GNL1: variants seen among roughly 807,000 people sequenced by gnomAD.
GNL1 encodes G protein nucleolar 1.
A neutral mutation model predicts 75.2 loss-of-function variants in GNL1; 21 were observed. That is an observed-to-expected ratio of 0.28 (90% CI 0.20 to 0.40). GNL1 has a LOEUF of 0.40. GNL1 is among the 10% of genes least tolerant of loss of function. The pLI is 1.00. For synonymous variants in GNL1, 287 were observed against 303.4 expected (o/e 0.95, Z 0.56); for missense variants, 579 against 775.0 (o/e 0.75, Z 3.00).
chr6:30,546,006 G>A lies in GNL1; in HGVS notation c.*66C>T, dbSNP rs1562699129. 1 of 1,127,278 alleles carries A rather than the reference G, an allele frequency of 8.9e-7. No homozygotes were observed. Among genetic ancestry groups the A allele is most frequent in the South Asian group, 1.4e-5 (1 of 73,282 alleles). The allele number at this position is 1,127,278 out of a possible 1,614,324, so 69.8% of individuals were successfully genotyped here. On this transcript the variant is annotated 3_prime_UTR_variant, in exon 12 of 12. Transcript: ENST00000376621. The surrounding 1 kb of genome is among the most constrained non-coding windows in gnomAD (Gnocchi z 5.1). Reference sequence around the variant, plus strand: ...TTATTCACAATTGGGGTGGCAGAGGGGAGATACCCCCAGGTCAGTCCAAAA... The same window carrying A: ...TTATTCACAATTGGGGTGGCAGAGGAGAGATACCCCCAGGTCAGTCCAAAA...
chr6:30,545,805 A>G lies in GNL1; in HGVS notation c.*267T>C, dbSNP rs1799411617. On this transcript the variant is annotated 3_prime_UTR_variant, in exon 12 of 12. Coordinates refer to ENST00000376621, the MANE Select transcript of GNL1 (RefSeq NM_005275.5). ...AGGTGCAGAGTGGGAGAATGGGTAG[A>G]GGAAGCAGGTTTCAGAGACTGAGAA... 2.1e-6 allele frequency: 1 copy of G among 484,460 alleles called. No homozygotes were observed. Among genetic ancestry groups the G allele is most frequent in the South Asian group, 2.8e-5 (1 of 36,022 alleles). The allele number at this position is 484,460 out of a possible 1,614,324, so 30.0% of individuals were successfully genotyped here. A position where few individuals can be genotyped will look rare whatever the true frequency, so the allele number is the denominator to read the frequency against.
intron 5 of GNL1, among the ~76,000 whole-genome samples, chr6:30,554,345 T>C (rs578052734): frequency 6.6e-6 from 1 of 152,218 alleles, no homozygotes; most frequent in Admixed American, 6.5e-5. Flanking sequence ...TGTGATGAGC[T>C]AAAGGACAGG....
At chr6:30,553,637 G>A (rs1582511931) in intron 5 of GNL1, 80 bp from the exon 6 acceptor site, 1 of 950,186 alleles carries the variant, frequency 1.1e-6, no homozygotes, top group African/African-American at 1.6e-5. Flanking sequence ...CTCAGCAGGT[G>A]TAGCTCAGAG....
At chr6:30,549,696 G>A (rs1440889679) in intron 8 of GNL1, among the ~76,000 whole-genome samples, 1 of 151,968 alleles carries the variant, frequency 6.6e-6, no homozygotes, top group Non-Finnish European at 1.5e-5. Flanking sequence ...CTTCTGGGAC[G>A]CTCCCTTGGT....
chr6:30,552,504 C>T lies in GNL1; in HGVS notation c.1062G>A (p.Glu354=). 6.2e-7 allele frequency: 1 copy of T among 1,614,122 alleles called. No individual in the cohort carries two copies. The highest frequency in any genetic ancestry group is 1.3e-5 in the African/African-American group (1 of 75,054). The change falls in exon 8 of 12, where the codon GAG becomes GAA. Residue 354 remains glutamate (E), a synonymous_variant. Coordinates refer to ENST00000376621, the MANE Select transcript of GNL1 (RefSeq NM_005275.5). This position sits in a 1 kb window ranked among gnomAD's most constrained non-coding sequence, Gnocchi z 4.5. ...SAMEPTGPTQ[E]RYKDGVVTIG... is the part of the protein sequence containing the mutation. ...TGGTCACCACCCCATCCTTGTAGCG[C>T]TCTTGGGTTGGGCCAGTTGGCTCCA... is the stretch of plus-strand genomic sequence containing the variant.
Position 30,556,283 on chromosome 6 carries a change from G to A in GNL1, c.-80C>T, listed in dbSNP as rs1800185194. 1 of 1,550,134 alleles carries A rather than the reference G, an allele frequency of 6.5e-7. No homozygotes were observed. The highest frequency in any genetic ancestry group is 8.8e-7 in the Non-Finnish European group (1 of 1,140,082). On this transcript the variant is annotated 5_prime_UTR_variant, in exon 1 of 12. Transcript: ENST00000376621. This position sits in a 1 kb window ranked among gnomAD's most constrained non-coding sequence, Gnocchi z 5.7. ...ACTGCCCCCCGGGGCAGCCCCCGCC[G>A]CAGGGGCCCGGGACCCTAGAGGAGG...
In GNL1 at chr6:30,547,646, C is replaced by A; in HGVS notation, c.1100-116G>T. The A allele has an allele frequency of 1.1e-6, 1 of 893,912 alleles. No homozygotes were observed. The highest frequency in any genetic ancestry group is 1.8e-6 in the Non-Finnish European group (1 of 569,526). The allele number at this position is 893,912 out of a possible 1,614,324, so 55.4% of individuals were successfully genotyped here. ...CTCAGAAATTAAGGAAATGGTATTG[C>A]AGAATACAAATCACGCTCTGGGCTG... On this transcript the variant is annotated intron_variant, in intron 8 of 11. Coordinates refer to ENST00000376621, the MANE Select transcript of GNL1 (RefSeq NM_005275.5). The surrounding 1 kb of genome is among the most constrained non-coding windows in gnomAD (Gnocchi z 5.5).
rs372941036 is a variant in GNL1, at chr6:30,556,121, C to T, written c.73+10G>A. The T allele has an allele frequency of 2.5e-6, 4 of 1,599,866 alleles. No individual in the cohort carries two copies. Among genetic ancestry groups the T allele is most frequent in the Non-Finnish European group, 3.4e-6 (4 of 1,176,476 alleles). On this transcript the variant is annotated intron_variant, in intron 1 of 11. Coordinates refer to ENST00000376621, the MANE Select transcript of GNL1 (RefSeq NM_005275.5). The surrounding 1 kb of genome is among the most constrained non-coding windows in gnomAD (Gnocchi z 5.7). The stretch of plus-strand genomic sequence containing the variant: ...CGAGCCCCGCCCCCTCCTCCCGCTC[C>T]CGCACTGACCTCTCTTCCGCTCCCG...
chr6:30,556,172 T>C lies in GNL1; in HGVS notation c.32A>G (p.Gln11Arg). The stretch of plus-strand genomic sequence containing the variant: ...TTTGTCCTGCAACTGCTTCTTCTTC[T>C]GCTTCACGCTGAATGGCTTCTTCCT... MPRKKPFSVK[Q>R]KKKQLQDKRE... Residue 11 changes from glutamine (Q) to arginine (R), a missense_variant, in exon 1 of 12, where the codon CAG (glutamine) becomes CGG (arginine). Transcript: ENST00000376621. The surrounding 1 kb of genome is among the most constrained non-coding windows in gnomAD (Gnocchi z 5.7). 6.2e-7 allele frequency: 1 copy of C among 1,605,730 alleles called. No individual in the cohort carries two copies.
chr6:30,556,048 C>G lies in GNL1; in HGVS notation c.73+83G>C. On this transcript the variant is annotated intron_variant, in intron 1 of 11. Transcript: ENST00000376621. This position sits in a 1 kb window ranked among gnomAD's most constrained non-coding sequence, Gnocchi z 5.7. ...CGGTCCCACGACCCCCTCCCACGAT[C>G]CCCAGAGGTGCAGCGGGCACACCCC... is the stretch of plus-strand genomic sequence containing the variant. The G allele has an allele frequency of 6.5e-7, 1 of 1,532,892 alleles. No individual in the cohort carries two copies. Among genetic ancestry groups the G allele is most frequent in the Non-Finnish European group, 8.9e-7 (1 of 1,121,652 alleles). The allele number at this position is 1,532,892 out of a possible 1,614,324, so 95.0% of individuals were successfully genotyped here.
rs761754782 is a variant in GNL1 at position 30,546,065 on chromosome 6, G to A, written c.*7C>T. 40 of 1,588,418 alleles carry A rather than the reference G, an allele frequency of 2.5e-5. No individual in the cohort carries two copies. Among genetic ancestry groups the A allele is most frequent in the Non-Finnish European group, 3.0e-5 (35 of 1,166,162 alleles). ...ACTGGGAGGGAAGATGGCGCTGGGC[G>A]AGGAACTCAGCACTCATCCTCACCC... On this transcript the variant is annotated 3_prime_UTR_variant, in exon 12 of 12. Coordinates refer to ENST00000376621, the MANE Select transcript of GNL1 (RefSeq NM_005275.5). The surrounding 1 kb of genome is among the most constrained non-coding windows in gnomAD (Gnocchi z 5.1).
At chr6:30,549,093 G>C (rs1247940237) in intron 8 of GNL1, among the ~76,000 whole-genome samples, 1 of 152,104 alleles carries the variant, frequency 6.6e-6, no homozygotes, top group Non-Finnish European at 1.5e-5. Context: ...ATCCTCCCAG[G>C]TTCAAGCGAT....
At chr6:30,554,240 A>C (rs1237069433) in intron 5 of GNL1, among the ~76,000 whole-genome samples, 1 of 152,160 alleles carries the variant, frequency 6.6e-6, no homozygotes, top group Non-Finnish European at 1.5e-5. Context: ...GAAATGAGAT[A>C]AGGAAGAAAG....
In GNL1 at chr6:30,555,263, C is replaced by A; in HGVS notation, c.240-72G>T. The A allele has an allele frequency of 3.2e-6, 5 of 1,576,172 alleles. No homozygotes were observed. Among genetic ancestry groups the A allele is most frequent in the South Asian group, 1.1e-5 (1 of 89,448 alleles). ...AACTCCTATTTTCTCCCCTCTTGTA[C>A]AATCAACTTCGCAAACCATTCTCTC... On this transcript the variant is annotated intron_variant, in intron 2 of 11. Coordinates refer to ENST00000376621, the MANE Select transcript of GNL1 (RefSeq NM_005275.5). This position sits in a 1 kb window ranked among gnomAD's most constrained non-coding sequence, Gnocchi z 4.3.
intron 5 of GNL1, 146 bp downstream of exon 5, chr6:30,554,429 G>A (rs1800002035): frequency 1.5e-6 from 1 of 684,824 alleles, no homozygotes; most frequent in East Asian, 2.5e-5. Context: ...AAAAAACTGA[G>A]TTCCTAACTG....
rs368255123 is a variant in GNL1 at position 30,554,560 on chromosome 6, A to T, written c.600+15T>A. 2.2e-4 allele frequency: 329 copies of T among 1,519,236 alleles called. No individual in the cohort carries two copies. The highest frequency in any genetic ancestry group is 2.9e-4 in the Non-Finnish European group (322 of 1,094,686). The allele number at this position is 1,519,236 out of a possible 1,614,324, so 94.1% of individuals were successfully genotyped here. The stretch of plus-strand genomic sequence containing the variant: ...TTCTCCCTCCTCCTTGCCCACCCTT[A>T]TCCCTAGTACTCACTGGATGTCGGA... On this transcript the variant is annotated intron_variant, in intron 5 of 11. Coordinates refer to ENST00000376621, the MANE Select transcript of GNL1 (RefSeq NM_005275.5).
Position 30,556,401 on chromosome 6 carries a change from TC to T in GNL1, c.-199del. 1.6e-6 allele frequency: 1 copy of T among 612,608 alleles called. No homozygotes were observed. Among genetic ancestry groups the T allele is most frequent in the Non-Finnish European group, 2.9e-6 (1 of 349,364 alleles). 37.9% of individuals were successfully genotyped at this position (612,608 alleles called of 1,614,324 possible). ...GACGGGGGAGATATAGTCACTTCCC[TC>T]CAGGAGCGAGGCGAGAGGATGATGC... On this transcript the variant is annotated 5_prime_UTR_variant, in exon 1 of 12. Coordinates refer to ENST00000376621, the MANE Select transcript of GNL1 (RefSeq NM_005275.5). The surrounding 1 kb of genome is among the most constrained non-coding windows in gnomAD (Gnocchi z 5.7).
rs894910528 is a variant in GNL1 at position 30,555,876 on chromosome 6, G to T, written c.74-156C>A. On this transcript the variant is annotated intron_variant, in intron 1 of 11. Coordinates refer to ENST00000376621, the MANE Select transcript of GNL1 (RefSeq NM_005275.5). The surrounding 1 kb of genome is among the most constrained non-coding windows in gnomAD (Gnocchi z 4.3). ...TTGGGACCCTCCCGGATGTGCGTGG[G>T]GGGAGTCACTCCTTCAGGGAGCAGT... 7.0e-6 allele frequency: 6 copies of T among 862,818 alleles called. No homozygotes were observed. The highest frequency in any genetic ancestry group is 1.1e-5 in the Non-Finnish European group (6 of 560,624). 53.4% of individuals were successfully genotyped at this position (862,818 alleles called of 1,614,324 possible).
Position 30,547,890 on chromosome 6 carries a change from C to T in GNL1, c.1100-360G>A, listed in dbSNP as rs764071368. Reference sequence around the variant, plus strand: ...ACATCTCATAATTACTATGACTTGGCCTGGCACAGTGGCTCACGCTTGTAA... The same window carrying T: ...ACATCTCATAATTACTATGACTTGGTCTGGCACAGTGGCTCACGCTTGTAA... On this transcript the variant is annotated intron_variant, in intron 8 of 11. Coordinates refer to ENST00000376621, the MANE Select transcript of GNL1 (RefSeq NM_005275.5). This position sits in a 1 kb window ranked among gnomAD's most constrained non-coding sequence, Gnocchi z 5.5. 16 of 277,164 alleles carry T rather than the reference C, an allele frequency of 5.8e-5. No homozygotes were observed. The highest frequency in any genetic ancestry group is 8.8e-5 in the Non-Finnish European group (13 of 148,366). 17.2% of individuals were successfully genotyped at this position (277,164 alleles called of 1,614,324 possible).
Sources: gnomAD v4.1 joint callset for allele counts (sites outside exome capture counted in the v4.1 genomes callset) on GRCh38, gnomAD v4.1.1 for gene constraint, Gnocchi (gnomAD v3.1) non-coding constraint, MANE v1.5 for transcripts, NCBI Gene and HGNC (gene_info 2026-07-23, HGNC 2026-07-21) for gene names.